Variants in SLC67A1 observed in about 807,000 individuals in gnomAD.
The protein encoded by SLC67A1 is solute carrier family 67 member 1, also known as solute carrier family 67 member A1.
At chr11:2,903,384 C>T in the SLC67A1 span, 1 of 1,612,950 alleles carries the variant, frequency 6.2e-7, no homozygotes, top group Non-Finnish European at 8.5e-7. Context: ...AGGGCCGGTC[C>T]CCCGGCAGGA....
the SLC67A1 span, among the ~76,000 whole-genome samples, chr11:2,905,103 G>C: frequency 9.7e-3 from 1,471 of 152,330 alleles, 16 homozygotes; most frequent in Non-Finnish European, 0.014. Context: ...GGTTGAGTTT[G>C]AGACGATTTT....
At chr11:2,922,898 G>T in the SLC67A1 span, among the ~76,000 whole-genome samples, 2 of 152,178 alleles carry the variant, frequency 1.3e-5, no homozygotes, top group Non-Finnish European at 2.9e-5. Flanking sequence ...GGACTTCTGG[G>T]CCCTCCCCCA....
At chr11:2,916,780 A>T in the SLC67A1 span, 22 of 1,567,418 alleles carry the variant, frequency 1.4e-5, no homozygotes, top group South Asian at 2.1e-4. Flanking sequence ...ATGCTGGGGC[A>T]ATGGAAGGCA....
the SLC67A1 span, among the ~76,000 whole-genome samples, chr11:2,906,773 G>C: frequency 1.3e-5 from 2 of 151,846 alleles, no homozygotes; most frequent in African/African-American, 2.4e-5. Flanking sequence ...TAAACGACGA[G>C]TTAATGGGTG....
chr11:2,909,688 G>A, the SLC67A1 span: 21 of 1,541,766 alleles, frequency 1.4e-5, no homozygotes, highest in Admixed American at 1.2e-4. Context: ...CCTGCTGGGC[G>A]GGACCCTGGT....
the SLC67A1 span, among the ~76,000 whole-genome samples, chr11:2,913,200 AG>A: frequency 6.6e-6 from 1 of 152,150 alleles, no homozygotes; most frequent in African/African-American, 2.4e-5. Flanking sequence ...CCGCCCCCCC[AG>A]CCAGGTGACT....
At chr11:2,922,267 G>A in the SLC67A1 span, 1 of 1,537,452 alleles carries the variant, frequency 6.5e-7, no homozygotes, top group Non-Finnish European at 9.0e-7. Context: ...CACCTGGGCG[G>A]TACCATCTGT....
At chr11:2,910,352 C>T in the SLC67A1 span, among the ~76,000 whole-genome samples, 3 of 152,134 alleles carry the variant, frequency 2.0e-5, no homozygotes, top group African/African-American at 4.8e-5. Flanking sequence ...TAGGAATTCC[C>T]GTAACATCAG....
chr11:2,900,901 G>A, the SLC67A1 span, among the ~76,000 whole-genome samples: 1 of 152,170 alleles, frequency 6.6e-6, no homozygotes, highest in South Asian at 2.1e-4. Context: ...TGGGCATGGA[G>A]CAGGACCCTC....
At chr11:2,922,305 CCCCCACA>C in the SLC67A1 span, 5 of 1,500,126 alleles carry the variant, frequency 3.3e-6, no homozygotes, top group Non-Finnish European at 4.6e-6. Flanking sequence ...CTCCTCCAGC[CCCCCACA>C]CCCACCCGGG....
At chr11:2,909,776 C>T in the SLC67A1 span, 3 of 1,382,552 alleles carry the variant, frequency 2.2e-6, no homozygotes, top group South Asian at 3.1e-5. Context: ...GGCCCCGCCC[C>T]GCCTCCTCTT....
chr11:2,915,982 A>G, the SLC67A1 span, among the ~76,000 whole-genome samples: 2 of 152,240 alleles, frequency 1.3e-5, no homozygotes, highest in Non-Finnish European at 2.9e-5. Flanking sequence ...AGGCCTTGGT[A>G]GTGGCCCAGG....
the SLC67A1 span, among the ~76,000 whole-genome samples, chr11:2,900,906 A>G: frequency 6.6e-6 from 1 of 152,030 alleles, no homozygotes; most frequent in East Asian, 1.9e-4. Context: ...ATGGAGCAGG[A>G]CCCTCCTGGA....
At chr11:2,917,521 G>A in the SLC67A1 span, among the ~76,000 whole-genome samples, 12 of 152,252 alleles carry the variant, frequency 7.9e-5, no homozygotes, top group Non-Finnish European at 1.3e-4. Flanking sequence ...AGAGGTGCCC[G>A]GTGGGCCAGG....
At chr11:2,916,423 C>T in the SLC67A1 span, 1 of 529,388 alleles carries the variant, frequency 1.9e-6, no homozygotes, top group Admixed American at 3.6e-5. Context: ...TGGTGAGCGC[C>T]CCACCCATTC....
chr11:2,902,814 C>G, the SLC67A1 span: 1 of 895,126 alleles, frequency 1.1e-6, no homozygotes. Context: ...CTGCTGGCCA[C>G]AGGGGAAGGT....
the SLC67A1 span, chr11:2,902,631 G>A: frequency 2.0e-6 from 2 of 985,258 alleles, no homozygotes; most frequent in East Asian, 2.3e-4. Context: ...AAAATTTGGG[G>A]AAGTCCTCTG....
At chr11:2,921,039 T>C in the SLC67A1 span, 1 of 138,488 alleles carries the variant, frequency 7.2e-6, no homozygotes, top group African/African-American at 2.7e-5. Context: ...GCGAACATGG[T>C]GAAACCCCGT....
At chr11:2,916,685 C>G in the SLC67A1 span, 4 of 1,613,042 alleles carry the variant, frequency 2.5e-6, no homozygotes, top group Non-Finnish European at 3.4e-6. Context: ...TCAGCTTCAC[C>G]TGCATCCCCG....
Sources: allele counts gnomAD v4.1 joint callset (sites outside exome capture counted in the v4.1 genomes callset), GRCh38; gene constraint gnomAD v4.1.1; transcripts MANE v1.5; gene names NCBI Gene and HGNC (gene_info 2026-07-23, HGNC 2026-07-21).